The following PDE1C variants were observed in gnomAD, a reference collection of about 807,000 sequenced individuals.
The protein encoded by PDE1C is phosphodiesterase 1C, also known as dual specificity calcium/calmodulin-dependent 3',5'-cyclic nucleotide phosphodiesterase 1C.
In PDE1C, 62 loss-of-function variants were observed where a neutral mutation model predicts 93.1. That is an observed-to-expected ratio of 0.67 (90% confidence interval 0.54 to 0.82). PDE1C has a LOEUF of 0.82. PDE1C is among the 40% of genes least tolerant of loss of function. The probability of loss-of-function intolerance (pLI) is 0.00; values close to 1 mark genes in which losing one functional copy is unlikely to be tolerated. For synonymous variants in PDE1C, 325 were observed against 310.1 expected, an observed-to-expected ratio of 1.05 and a Z score of -0.50; for missense variants, 742 against 884.6, an observed-to-expected ratio of 0.84 and a Z score of 2.04.
At chr7:31,933,244 G>T (rs1353031735) in intron 2 of PDE1C, among the ~76,000 whole-genome samples, 2 of 151,294 alleles carry the variant, frequency 1.3e-5, no homozygotes, top group African/African-American at 4.9e-5. Context: ...TAAAAAAAAA[G>T]AAAACTACTA....
chr7:32,187,961 G>A (rs1331780420), intron 2 of PDE1C, among the ~76,000 whole-genome samples: 1 of 152,146 alleles, frequency 6.6e-6, no homozygotes, highest in Admixed American at 6.5e-5. Context: ...TTTGATTCCT[G>A]TTTCAATTGG....
At chr7:32,146,821 AAGTC>A (rs1800866004) in intron 3 of PDE1C, among the ~76,000 whole-genome samples, 1 of 152,196 alleles carries the variant, frequency 6.6e-6, no homozygotes, top group Non-Finnish European at 1.5e-5. Context: ...GAAATTAAGA[AAGTC>A]AGGAAAGTTT....
intron 12 of PDE1C, among the ~76,000 whole-genome samples, chr7:31,825,755 T>C (rs780594375): frequency 1.4e-4 from 22 of 152,076 alleles, no homozygotes; most frequent in Non-Finnish European, 2.4e-4. Context: ...CAGGCACAGA[T>C]ACCTGCACAG....
At chr7:32,052,789 G>A (rs1022288340) in intron 1 of PDE1C, among the ~76,000 whole-genome samples, 1 of 152,152 alleles carries the variant, frequency 6.6e-6, no homozygotes, top group Non-Finnish European at 1.5e-5. Context: ...AGAACCTACA[G>A]TGTGGTCTTG....
At chr7:31,647,720 G>A in the PDE1C span, among the ~76,000 whole-genome samples, 1 of 148,328 alleles carries the variant, frequency 6.7e-6, no homozygotes, top group Non-Finnish European at 1.5e-5. Flanking sequence ...AGACGATGAC[G>A]ACAACGACGA....
intron 16 of PDE1C, among the ~76,000 whole-genome samples, chr7:31,780,757 G>C (rs1783344370): frequency 6.6e-6 from 1 of 151,668 alleles, no homozygotes; most frequent in Admixed American, 6.6e-5. Context: ...TTTTAGAAAG[G>C]TGTGTGTATG....
chr7:32,227,713 T>C (rs1271057467), intron 1 of PDE1C, among the ~76,000 whole-genome samples: 1 of 152,078 alleles, frequency 6.6e-6, no homozygotes, highest in Non-Finnish European at 1.5e-5. Flanking sequence ...ACCAACAAAA[T>C]ACTGTAAAAT....
At chr7:31,798,271 A>T (rs183036428) in intron 16 of PDE1C, among the ~76,000 whole-genome samples, 1 of 151,888 alleles carries the variant, frequency 6.6e-6, no homozygotes, top group East Asian at 1.9e-4. Flanking sequence ...CCTCTCCAGC[A>T]TAATCAACTC....
At chr7:32,053,691 C>T (rs1431143568) in intron 1 of PDE1C, among the ~76,000 whole-genome samples, 1 of 151,972 alleles carries the variant, frequency 6.6e-6, no homozygotes, top group Non-Finnish European at 1.5e-5. Flanking sequence ...CCAATACTTG[C>T]CAAAGAAATC....
At chr7:32,301,914 T>C (rs1812890977), upstream of PDE1C, among the ~76,000 whole-genome samples, 1 of 152,220 alleles carries the variant, frequency 6.6e-6, no homozygotes, top group East Asian at 1.9e-4. Flanking sequence ...CTTTTATATT[T>C]TTAAGTGATT....
At chr7:31,765,514 G>T (rs111361331) in intron 17 of PDE1C, among the ~76,000 whole-genome samples, 1 of 152,208 alleles carries the variant, frequency 6.6e-6, no homozygotes. Context: ...GATGGGAAAT[G>T]TAAGGCTATT....
chr7:32,297,787 T>C (rs1438774649), intron 1 of PDE1C, among the ~76,000 whole-genome samples: 3 of 152,110 alleles, frequency 2.0e-5, no homozygotes, highest in Non-Finnish European at 4.4e-5. Flanking sequence ...CACAGCTTTT[T>C]CTCAAATACT....
chr7:32,260,271 T>C (rs534580663), intron 1 of PDE1C, among the ~76,000 whole-genome samples: 1 of 152,312 alleles, frequency 6.6e-6, no homozygotes, highest in East Asian at 1.9e-4. Context: ...CAGTCAACAG[T>C]GGAGAGGCCT....
intron 1 of PDE1C, among the ~76,000 whole-genome samples, chr7:32,341,173 C>CTATTTTTTTTTTTTTTTTTTTTTTT (rs796122014): frequency 1.3e-4 from 11 of 84,958 alleles, no homozygotes; most frequent in African/African-American, 4.8e-4. Context: ...GAAATAAAGT[C>CTATTTTTTTTTTTTTTTTTTTTTTT]TTTTTTTTTT....
chr7:31,897,085 G>A (rs560868489), intron 2 of PDE1C, among the ~76,000 whole-genome samples: 103 of 152,338 alleles, frequency 6.8e-4, no homozygotes, highest in Non-Finnish European at 1.2e-3. Flanking sequence ...TGAAGCAATT[G>A]TGTACGTCAT....
At chr7:31,731,591 T>C in the PDE1C span, among the ~76,000 whole-genome samples, 6 of 152,252 alleles carry the variant, frequency 3.9e-5, no homozygotes, top group Non-Finnish European at 7.4e-5. Context: ...AATTTCACCA[T>C]GTTGGTCAGG....
the PDE1C span, among the ~76,000 whole-genome samples, chr7:31,702,210 T>TA: frequency 0.012 from 1,368 of 112,420 alleles, 16 homozygotes; most frequent in African/African-American, 0.045. Flanking sequence ...CTTATTTATT[T>TA]TTTTTTTTGC....
At chr7:31,878,605 G>A (rs1030903471) in intron 4 of PDE1C, among the ~76,000 whole-genome samples, 1 of 152,106 alleles carries the variant, frequency 6.6e-6, no homozygotes, top group African/African-American at 2.4e-5. Context: ...GAAGTGTCTT[G>A]GGGACTTCAA....
chr7:31,698,781 T>C, the PDE1C span, among the ~76,000 whole-genome samples: 1 of 152,104 alleles, frequency 6.6e-6, no homozygotes, highest in Non-Finnish European at 1.5e-5. Flanking sequence ...GAGATAGAAA[T>C]TGCTTCTTTA....
Sources: gnomAD v4.1 joint callset for allele counts (sites outside exome capture counted in the v4.1 genomes callset) on GRCh38, gnomAD v4.1.1 for gene constraint, MANE v1.5 for transcripts, NCBI Gene and HGNC (gene_info 2026-07-23, HGNC 2026-07-21) for gene names.